NRG3: variants seen among roughly 807,000 people sequenced by gnomAD.
NRG3 encodes neuregulin 3, also known as pro-neuregulin-3, membrane-bound isoform.
A neutral mutation model predicts 66.9 loss-of-function variants in NRG3; 31 were observed. That is an observed-to-expected ratio of 0.46 (90% confidence interval 0.35 to 0.63). The LOEUF (loss-of-function observed/expected upper bound fraction) is 0.63, where lower values mean the gene tolerates loss of function less well. Ranked by LOEUF, NRG3 falls within the 20% of genes least tolerant of loss-of-function variation. The pLI is 0.00. For synonymous variants in NRG3, 393 were observed against 359.4 expected (o/e 1.09, Z -1.06); for missense variants, 910 against 878.9 (o/e 1.04, Z -0.45).
Position 82,985,572 on chromosome 10 carries a change from T to C in NRG3, c.2058T>C (p.Asn686=), listed in dbSNP as rs1044655214. ...GAGAGGCGCAATTTGTCTTAAGAAATGAAATACAAAGAGACTCTGCATTGA... is the reference window on the plus strand; with the variant it reads ...GAGAGGCGCAATTTGTCTTAAGAAACGAAATACAAAGAGACTCTGCATTGA... ...SEREAQFVLR[N]EIQRDSALTK The change falls in exon 9 of 9, where the codon AAT becomes AAC. Residue 686 remains asparagine, a synonymous_variant. Coordinates refer to ENST00000372141, the MANE Select transcript of NRG3 (RefSeq NM_001010848.4). The C allele has an allele frequency of 2.5e-6, 4 of 1,613,170 alleles. No individual in the cohort carries two copies. The highest frequency in any genetic ancestry group is 2.7e-5 in the African/African-American group (2 of 74,862).
intron 1 of NRG3, among the ~76,000 whole-genome samples, chr10:82,131,499 A>T (rs1316673347): frequency 6.8e-6 from 1 of 147,358 alleles, no homozygotes; most frequent in Non-Finnish European, 1.5e-5. Flanking sequence ...CTTTTTGCCC[A>T]GGTTGGCTTT....
At chr10:82,984,215 T>C (rs1853213336) in intron 8 of NRG3, among the ~76,000 whole-genome samples, 1 of 152,246 alleles carries the variant, frequency 6.6e-6, no homozygotes, top group South Asian at 2.1e-4. Context: ...TGTCCCATTT[T>C]CTGTCATGGA....
chr10:82,974,032 T>C, intron 7 of NRG3, 117 bp downstream of exon 7: 3 of 1,159,484 alleles, frequency 2.6e-6, no homozygotes, highest in Non-Finnish European at 3.7e-6. Flanking sequence ...GCTTCTCCTG[T>C]AGTTCTCTGT....
chr10:82,044,723 C>T (rs2133052967), intron 1 of NRG3, among the ~76,000 whole-genome samples: 1 of 151,974 alleles, frequency 6.6e-6, no homozygotes, highest in Non-Finnish European at 1.5e-5. Context: ...CTATCCCTCC[C>T]TGCTCTCCCC....
intron 2 of NRG3, among the ~76,000 whole-genome samples, chr10:82,494,119 G>T (rs1023302975): frequency 1.3e-5 from 2 of 152,136 alleles, no homozygotes; most frequent in African/African-American, 2.4e-5. Flanking sequence ...AGAGAAATAG[G>T]AATGCTTTTA....
intron 2 of NRG3, among the ~76,000 whole-genome samples, chr10:82,494,843 GA>G (rs1843469758): frequency 6.6e-6 from 1 of 152,052 alleles, no homozygotes; most frequent in Non-Finnish European, 1.5e-5. Flanking sequence ...TTGCGTGATT[GA>G]AAATAATATA....
intron 1 of NRG3, among the ~76,000 whole-genome samples, chr10:81,884,969 A>T (rs1842504700): frequency 1.3e-5 from 2 of 152,120 alleles, no homozygotes; most frequent in Admixed American, 1.3e-4. Context: ...CTTCTTTTTT[A>T]AGTATGCAGT....
chr10:81,975,916 C>T (rs1021672387), intron 1 of NRG3, among the ~76,000 whole-genome samples: 2 of 152,008 alleles, frequency 1.3e-5, no homozygotes, highest in Admixed American at 6.6e-5. Flanking sequence ...GAAGCTGTGG[C>T]TGGCTTGGAA....
At chr10:82,050,743 T>C (rs1342394226) in intron 1 of NRG3, among the ~76,000 whole-genome samples, 1 of 151,894 alleles carries the variant, frequency 6.6e-6, no homozygotes, top group African/African-American at 2.4e-5. Flanking sequence ...AAGACTCTGA[T>C]AATGTCTCGT....
chr10:82,106,940 C>A (rs1451759175), intron 1 of NRG3, among the ~76,000 whole-genome samples: 1 of 152,160 alleles, frequency 6.6e-6, no homozygotes, highest in African/African-American at 2.4e-5. Flanking sequence ...TTAATATAGT[C>A]CCATTTGGTG....
At chr10:82,194,101 A>T (rs1303934021) in intron 1 of NRG3, among the ~76,000 whole-genome samples, 2 of 152,324 alleles carry the variant, frequency 1.3e-5, no homozygotes, top group East Asian at 3.9e-4. Flanking sequence ...GTGAAATTTT[A>T]CTGAGAGTAA....
At chr10:82,672,225 G>A (rs953823893) in intron 2 of NRG3, among the ~76,000 whole-genome samples, 11 of 152,172 alleles carry the variant, frequency 7.2e-5, no homozygotes, top group Non-Finnish European at 1.5e-4. Context: ...AGTGGGGACA[G>A]AAAGTGCAAA....
At chr10:82,019,823 T>C (rs2061976966) in intron 1 of NRG3, among the ~76,000 whole-genome samples, 1 of 152,140 alleles carries the variant, frequency 6.6e-6, no homozygotes, top group Non-Finnish European at 1.5e-5. Context: ...TTGATTCTTC[T>C]CTCTTTTTTT....
intron 1 of NRG3, among the ~76,000 whole-genome samples, chr10:82,262,214 G>T (rs771896119): frequency 6.6e-6 from 1 of 152,186 alleles, no homozygotes; most frequent in African/African-American, 2.4e-5. Flanking sequence ...TGAGATTTGA[G>T]TTGACTATTG....
intron 1 of NRG3, among the ~76,000 whole-genome samples, chr10:82,188,396 A>G (rs1193651404): frequency 6.6e-6 from 1 of 152,188 alleles, no homozygotes; most frequent in Non-Finnish European, 1.5e-5. Context: ...ACATTGGTCT[A>G]GGCAAAGATT....
At chr10:82,636,004 T>A (rs1355637435) in intron 2 of NRG3, among the ~76,000 whole-genome samples, 1 of 152,112 alleles carries the variant, frequency 6.6e-6, no homozygotes, top group African/African-American at 2.4e-5. Context: ...GGAATCTTCA[T>A]GGGGAAAGGA....
At chr10:82,294,625 C>G (rs1589622702) in intron 1 of NRG3, among the ~76,000 whole-genome samples, 1 of 152,162 alleles carries the variant, frequency 6.6e-6, no homozygotes, top group East Asian at 1.9e-4. Context: ...ACTTTAAAAT[C>G]TGCATCAGCG....
rs114722131 is a variant in NRG3, at chr10:82,082,942, A to T, written c.823+206779A>T. ...TTTATTGATTACTTTATTGATTATG[A>T]CATTCTTTTTTTTTTTCAGACGGGG... On this transcript the variant is annotated intron_variant, in intron 1 of 8. Transcript: ENST00000372141. Among the ~76,000 whole-genome samples, 973 of 151,918 alleles carry T rather than the reference A, an allele frequency of 6.4e-3. 10 individuals carry two copies. The highest frequency in any genetic ancestry group is 0.022 in the African/African-American group (927 of 41,470).
At chr10:81,935,876 A>AAC (rs55670416) in intron 1 of NRG3, among the ~76,000 whole-genome samples, 11,596 of 132,250 alleles carry the variant, frequency 0.088, 527 homozygotes, top group South Asian at 0.11. Context: ...TCAGTGCCTG[A>AAC]ACACACACAC....
Sources: gnomAD v4.1 joint callset for allele counts (sites outside exome capture counted in the v4.1 genomes callset) on GRCh38, gnomAD v4.1.1 for gene constraint, MANE v1.5 for transcripts, NCBI Gene and HGNC (gene_info 2026-07-23, HGNC 2026-07-21) for gene names.